CES4A: variants seen among roughly 807,000 people sequenced by gnomAD.
The protein encoded by CES4A is carboxylesterase 4A.
A neutral mutation model predicts 65.4 loss-of-function variants in CES4A; 48 were observed. The ratio of observed to expected loss-of-function variants is 0.73; its 90% CI spans 0.58 to 0.93. The LOEUF (loss-of-function observed/expected upper bound fraction) is 0.93. Among genes scored for constraint, CES4A ranks in the 40% least tolerant of loss-of-function variants. CES4A has a pLI of 0.00. For synonymous variants in CES4A, 247 were observed against 281.8 expected (o/e 0.88, Z 1.24); for missense variants, 685 against 728.5 (o/e 0.94, Z 0.69).
intron 1 of CES4A, among the ~76,000 whole-genome samples, chr16:66,991,777 G>T (rs1227462467): frequency 6.6e-6 from 1 of 152,084 alleles, no homozygotes; most frequent in Admixed American, 6.6e-5. Context: ...GTATAGTTTT[G>T]TAACAATAAC....
Position 67,005,752 on chromosome 16 carries a change from C to T in CES4A, c.1315+359C>T, listed in dbSNP as rs1306256878. ...TAGTCCCAGCTACTCAGTAGGCTGACGCAGGAGAATCGCTTGAACCTGGGA... is the reference window on the plus strand; with the variant it reads ...TAGTCCCAGCTACTCAGTAGGCTGATGCAGGAGAATCGCTTGAACCTGGGA... On this transcript the variant is annotated intron_variant, in intron 11 of 13. Coordinates refer to ENST00000648724, the Ensembl canonical transcript of CES4A. The T allele has an allele frequency of 2.6e-5, 5 of 192,828 alleles. No homozygotes were observed. In the South Asian group the frequency reaches 3.4e-4, roughly 13 times the overall value. 11.9% of individuals were successfully genotyped at this position (192,828 alleles called of 1,614,324 possible). A position where few individuals can be genotyped will look rare whatever the true frequency, so the allele number is the denominator to read the frequency against.
In CES4A at chr16:67,000,975, T is replaced by G. The variant is rs1246730022; in HGVS notation, c.521T>G (p.Ile174Ser). 6.2e-7 allele frequency: 1 copy of G among 1,612,762 alleles called. No homozygotes were observed. Among genetic ancestry groups the G allele is most frequent in the Non-Finnish European group, 8.5e-7 (1 of 1,179,528 alleles). Residue 174 changes from isoleucine (I) to serine (S), a missense_variant, in exon 4 of 14, where the codon ATC becomes AGC. Coordinates refer to ENST00000648724, the Ensembl canonical transcript of CES4A. This position sits in a 1 kb window ranked among gnomAD's most constrained non-coding sequence, Gnocchi z 4.2. Reference sequence around the variant, plus strand: ...GTGTTTCTGCAGCACAGGCTCGGCATCTTCGGCTTCCTGAGGTGGCGGGGC... The same window carrying G: ...GTGTTTCTGCAGCACAGGCTCGGCAGCTTCGGCTTCCTGAGGTGGCGGGGC...
exon 14 of CES4A, chr16:67,009,228 C>A (rs1966006438): frequency 7.5e-7 from 1 of 1,337,652 alleles, no homozygotes; most frequent in Admixed American, 2.3e-5. Context: ...TACCTGGGGA[C>A]AAGAGTTCTA....
Position 67,000,702 on chromosome 16 carries a change from T to A in CES4A, c.325T>A (p.Trp109Arg). 1 of 1,550,474 alleles carries A rather than the reference T, an allele frequency of 6.4e-7. No homozygotes were observed. The highest frequency in any genetic ancestry group is 8.7e-7 in the Non-Finnish European group (1 of 1,147,352). ...CGTCAGCACGCGGGAACGGTACAAG[T>A]GGCTGCGCTTCAGCGAGGACTGTCT... Residue 109 changes from tryptophan to arginine, a missense_variant, in exon 3 of 14, where the codon TGG (tryptophan) becomes AGG (arginine). By Grantham distance (101) the Trp-to-Arg change is moderately radical (BLOSUM62 -3). Transcript: ENST00000648724. The surrounding 1 kb of genome is among the most constrained non-coding windows in gnomAD (Gnocchi z 4.2).
At chr16:66,998,332 G>A (rs1282391001) in intron 2 of CES4A, among the ~76,000 whole-genome samples, 1 of 152,120 alleles carries the variant, frequency 6.6e-6, no homozygotes, top group East Asian at 1.9e-4. Context: ...GCTCTCACCT[G>A]TAATCCCAAC....
At position 66,995,627 on chromosome 16, in the gene CES4A, G is replaced by A; in HGVS notation, c.59-1G>A. The A allele has an allele frequency of 6.2e-7, 1 of 1,613,902 alleles. No individual in the cohort carries two copies. Among genetic ancestry groups the A allele is most frequent in the Non-Finnish European group, 8.5e-7 (1 of 1,179,790 alleles). ...GTGACCCTTTTCCCTTCTCTTCCCA[G>A]GTGCCTTGCACACCAAGAGGCCTCA... is the stretch of plus-strand genomic sequence containing the variant. On this transcript the variant is annotated splice_acceptor_variant, in intron 1 of 13. Transcript: ENST00000648724. LOFTEE classifies it high-confidence loss of function.
At chr16:66,995,664 A>G (rs757841884) in exon 2 of CES4A, 1 of 1,614,190 alleles carries the variant, frequency 6.2e-7, no homozygotes, top group Admixed American at 1.7e-5. Flanking sequence ...GTGGTCACCA[A>G]ATATGGAACC....
chr16:67,003,250 C>A lies in CES4A; in HGVS notation c.796-6C>A, dbSNP rs761488206. 9 of 1,613,720 alleles carry A rather than the reference C, an allele frequency of 5.6e-6. No individual in the cohort carries two copies. Among genetic ancestry groups the A allele is most frequent in the Non-Finnish European group, 6.8e-6 (8 of 1,179,696 alleles). ...CACCACTGAGCATCCTTTCTTCTCT[C>A]TATAGAAGGTTGCCCACCTGGCTGG... On this transcript the variant is annotated splice_region_variant and splice_polypyrimidine_tract_variant and intron_variant, in intron 6 of 13. Coordinates refer to ENST00000648724, the Ensembl canonical transcript of CES4A. This position sits in a 1 kb window ranked among gnomAD's most constrained non-coding sequence, Gnocchi z 4.2.
intron 1 of CES4A, among the ~76,000 whole-genome samples, chr16:66,994,645 T>C (rs891440831): frequency 3.3e-5 from 5 of 150,802 alleles, no homozygotes; most frequent in African/African-American, 4.9e-5. Flanking sequence ...ATAGAGACCA[T>C]CCTGGCTAGT....
chr16:67,008,285 C>T (rs2145677645), intron 13 of CES4A: 1 of 152,390 alleles, frequency 6.6e-6, no homozygotes. Flanking sequence ...TTCATGGCTT[C>T]TCTCTGCCTC....
rs377749558 is a variant in CES4A at position 67,003,043 on chromosome 16, C to T, written c.691-27C>T. ...CAGGTGTCTCTACTTGGGCATCTCA[C>T]GGGTGTATTCCTCCCTGTTCTTGCA... On this transcript the variant is annotated intron_variant, in intron 5 of 13. Transcript: ENST00000648724. The surrounding 1 kb of genome is among the most constrained non-coding windows in gnomAD (Gnocchi z 4.2). 2.6e-5 allele frequency: 41 copies of T among 1,588,530 alleles called. No homozygotes were observed. The highest frequency in any genetic ancestry group is 8.9e-5 in the East Asian group (4 of 44,752).
At chr16:67,010,238 G>A (rs570976014), downstream of CES4A, among the ~76,000 whole-genome samples, 1 of 150,954 alleles carries the variant, frequency 6.6e-6, no homozygotes, top group African/African-American at 2.4e-5. Flanking sequence ...GCTTATTTTT[G>A]TATTTTTAGT....
intron 1 of CES4A, among the ~76,000 whole-genome samples, chr16:66,994,317 A>G (rs1051784133): frequency 6.9e-6 from 1 of 145,578 alleles, no homozygotes; most frequent in Non-Finnish European, 1.5e-5. Flanking sequence ...GCTCACTGCA[A>G]CCTCCGCTCC....
chr16:67,001,666 GCCC>G lies in CES4A; in HGVS notation c.690+207_690+209del. Among the ~76,000 whole-genome samples, 1 of 152,370 alleles carries G rather than the reference GCCC, an allele frequency of 6.6e-6. No homozygotes were observed. Among genetic ancestry groups the G allele is most frequent in the East Asian group, 1.9e-4 (1 of 5,182 alleles). ...GGGATAGCACTGATGAGAAAACTGA[GCCC>G]CAGGAAGGGTAGTGCTGAGGCTTGG... On this transcript the variant is annotated intron_variant, in intron 5 of 13. Transcript: ENST00000648724. The surrounding 1 kb of genome is among the most constrained non-coding windows in gnomAD (Gnocchi z 4.1).
intron 5 of CES4A, among the ~76,000 whole-genome samples, chr16:67,002,046 C>T (rs141525934): frequency 4.9e-4 from 74 of 152,338 alleles, no homozygotes; most frequent in South Asian, 1.7e-3. Context: ...TGTCGTCATC[C>T]ATGTAATTCC....
chr16:67,001,345 C>A lies in CES4A; in HGVS notation c.574C>A (p.Leu192Met). ...CCACGCGCGCGGGAACTGGGGGCTG[C>A]TGGACCAGATGGCGGCTCTGCGCTG... is the stretch of plus-strand genomic sequence containing the variant. Residue 192 changes from leucine (L) to methionine (M), a missense_variant, in exon 5 of 14, where the codon CTG (leucine) becomes ATG (methionine). Coordinates refer to ENST00000648724, the Ensembl canonical transcript of CES4A. The surrounding 1 kb of genome is among the most constrained non-coding windows in gnomAD (Gnocchi z 4.1). 1 of 1,612,924 alleles carries A rather than the reference C, an allele frequency of 6.2e-7. No homozygotes were observed. Among genetic ancestry groups the A allele is most frequent in the Non-Finnish European group, 8.5e-7 (1 of 1,179,524 alleles).
chr16:67,001,214 A>AAGGCT lies in CES4A; in HGVS notation c.537-93_537-89dup. On this transcript the variant is annotated intron_variant, in intron 4 of 13. Transcript: ENST00000648724. The surrounding 1 kb of genome is among the most constrained non-coding windows in gnomAD (Gnocchi z 4.1). ...TCGCAGGACTGGGTCTTAGAGGGGCAAGGCTGGGCTGGGTGGGGGAAGCCC... is the reference window on the plus strand; with the variant it reads ...TCGCAGGACTGGGTCTTAGAGGGGCAAGGCTAGGCTGGGCTGGGTGGGGGAAGCCC... The AAGGCT allele has an allele frequency of 6.9e-7, 1 of 1,446,282 alleles. No homozygotes were observed. The highest frequency in any genetic ancestry group is 1.4e-5 in the African/African-American group (1 of 70,554). The allele number at this position is 1,446,282 out of a possible 1,614,324, so 89.6% of individuals were successfully genotyped here. A position where few individuals can be genotyped will look rare whatever the true frequency, so the allele number is the denominator to read the frequency against.
chr16:67,004,144 C>T, exon 9 of CES4A: 2 of 1,614,166 alleles, frequency 1.2e-6, no homozygotes, highest in Non-Finnish European at 1.7e-6. Context: ...CCCTTTGGTG[C>T]TCCTGACCCA....
At position 67,000,406 on chromosome 16, in the gene CES4A, C is replaced by T. The variant is rs923335983; in HGVS notation, c.261-232C>T. The T allele has an allele frequency of 9.1e-6, 12 of 1,319,400 alleles. No homozygotes were observed. The highest frequency in any genetic ancestry group is 2.8e-4 in the Middle Eastern group (1 of 3,548). The allele number at this position is 1,319,400 out of a possible 1,614,324, so 81.7% of individuals were successfully genotyped here. On this transcript the variant is annotated intron_variant, in intron 2 of 13. Coordinates refer to ENST00000648724, the Ensembl canonical transcript of CES4A. This position sits in a 1 kb window ranked among gnomAD's most constrained non-coding sequence, Gnocchi z 4.2. Reference sequence around the variant, plus strand: ...ACCAACAGGAGCAGGAATCTCTCCACGGACTGAGGCGCCGGGCAGGGAGGG... The same window carrying T: ...ACCAACAGGAGCAGGAATCTCTCCATGGACTGAGGCGCCGGGCAGGGAGGG...
Sources: allele counts gnomAD v4.1 joint callset (sites outside exome capture counted in the v4.1 genomes callset), GRCh38; gene constraint gnomAD v4.1.1; non-coding constraint Gnocchi (gnomAD v3.1); transcripts MANE v1.5; gene names NCBI Gene and HGNC (gene_info 2026-07-23, HGNC 2026-07-21).